ATP11C: variants seen among roughly 807,000 people sequenced by gnomAD.
The protein encoded by ATP11C is ATPase phospholipid transporting 11C (ATP11C blood group).
In ATP11C, 36 loss-of-function variants were observed where a neutral mutation model predicts 97.4. The ratio of observed to expected loss-of-function variants is 0.37; its 90% CI spans 0.28 to 0.49. The LOEUF is 0.49. ATP11C is among the 20% of genes least tolerant of loss of function. The pLI is 0.98. For synonymous variants in ATP11C, 275 were observed against 290.9 expected (o/e 0.95, Z 0.56); for missense variants, 730 against 824.6 (o/e 0.89, Z 1.40).
intron 6 of ATP11C, among the ~76,000 whole-genome samples, chrX:139,803,614 T>G (rs760427582): frequency 7.8e-4 from 86 of 109,951 alleles, no homozygotes; most frequent in Non-Finnish European, 1.4e-3. Context: ...GAGTTATAAT[T>G]TGTTATATGT....
intron 12 of ATP11C, among the ~76,000 whole-genome samples, chrX:139,793,921 GCA>G (rs1203290021): frequency 9.0e-6 from 1 of 111,007 alleles, no homozygotes; most frequent in African/African-American, 3.3e-5. Context: ...ATAATACCTA[GCA>G]CACACACACA....
At chrX:139,777,291 G>T (rs1048104210) in intron 18 of ATP11C, among the ~76,000 whole-genome samples, 2 of 110,046 alleles carry the variant, frequency 1.8e-5, no homozygotes, top group African/African-American at 6.6e-5. Flanking sequence ...CCAGAAAAAT[G>T]ATTCAGGATA....
chrX:139,757,075 A>T (rs2081952335), intron 23 of ATP11C, among the ~76,000 whole-genome samples: 1 of 110,027 alleles, frequency 9.1e-6, no homozygotes, highest in Admixed American at 9.7e-5. Flanking sequence ...TGTACTTTGT[A>T]TTCACAGAAG....
At position 139,913,639 on chromosome X, in the gene ATP11C, T is replaced by C. The variant is rs185531498; in HGVS notation, c.27+18377A>G. Among the ~76,000 whole-genome samples the C allele has an allele frequency of 5.6e-3, 621 of 111,326 alleles. 11 individuals are homozygous for C. Among genetic ancestry groups the C allele is most frequent in the African/African-American group, 0.019 (568 of 30,647 alleles). On this transcript the variant is annotated intron_variant, in intron 1 of 29. Transcript: ENST00000682941. ...CTCAAAAGCTCCCCCACTGAGCACC[T>C]TGTGTCCCCCGCCCCTACCGGCCAG...
At chrX:139,800,148 T>A (rs767117831) in intron 7 of ATP11C, 38 bp from the exon 8 acceptor site, 1 of 1,026,319 alleles carries the variant, frequency 9.7e-7, no homozygotes, top group South Asian at 2.0e-5. Flanking sequence ...GTTTTCTACA[T>A]CCAGGTGAAA....
intron 1 of ATP11C, among the ~76,000 whole-genome samples, chrX:139,829,366 T>C (rs1340290020): frequency 8.9e-6 from 1 of 112,049 alleles, no homozygotes; most frequent in Non-Finnish European, 1.9e-5. Flanking sequence ...ACATAAAAAA[T>C]AGCAATGCTG....
chrX:139,864,246 G>A (rs2084248382), intron 1 of ATP11C, among the ~76,000 whole-genome samples: 1 of 111,516 alleles, frequency 9.0e-6, no homozygotes, highest in South Asian at 3.7e-4. Flanking sequence ...TGCTTAATTT[G>A]CTCATTTAGT....
At chrX:139,769,402 A>C (rs1287332883) in intron 19 of ATP11C, among the ~76,000 whole-genome samples, 2 of 98,289 alleles carry the variant, frequency 2.0e-5, no homozygotes, top group East Asian at 6.8e-4. Context: ...GGGTGGCTTT[A>C]AAAATTGCCC....
At chrX:139,809,644 G>C (rs920794856) in intron 5 of ATP11C, among the ~76,000 whole-genome samples, 14 of 112,109 alleles carry the variant, frequency 1.2e-4, no homozygotes, top group Non-Finnish European at 2.6e-4. Context: ...TAAATAAATT[G>C]TACACTTAAA....
chrX:139,885,672 C>T (rs1422828630), intron 1 of ATP11C: 4 of 111,584 alleles, frequency 3.6e-5, no homozygotes, highest in Non-Finnish European at 5.6e-5. Context: ...AAGAATAGTT[C>T]GGCATTCATA....
chrX:139,801,727 A>G (rs2082931644), intron 7 of ATP11C, among the ~76,000 whole-genome samples: 1 of 111,688 alleles, frequency 9.0e-6, no homozygotes, highest in Admixed American at 9.5e-5. Context: ...GAGCCTAAGT[A>G]TAGTAAAATA....
intron 1 of ATP11C, among the ~76,000 whole-genome samples, chrX:139,887,809 A>G (rs866516324): frequency 3.7e-5 from 4 of 109,224 alleles, no homozygotes; most frequent in Admixed American, 9.9e-5. Context: ...CATCTCTACT[A>G]AAATACAAAA....
chrX:139,891,500 G>A (rs1205755729), intron 1 of ATP11C, among the ~76,000 whole-genome samples: 1 of 111,810 alleles, frequency 8.9e-6, no homozygotes, highest in East Asian at 2.8e-4. Context: ...CCCGCCCAAT[G>A]TATATCTCTA....
At chrX:139,772,289 T>A (rs1485469684) in intron 19 of ATP11C, among the ~76,000 whole-genome samples, 1 of 112,328 alleles carries the variant, frequency 8.9e-6, no homozygotes, top group Non-Finnish European at 1.9e-5. Flanking sequence ...AGAATATGTA[T>A]GGAAACGTGT....
At chrX:139,878,034 A>G (rs1051983518) in intron 1 of ATP11C, among the ~76,000 whole-genome samples, 1 of 111,956 alleles carries the variant, frequency 8.9e-6, no homozygotes. Flanking sequence ...TCAAAGAGGA[A>G]AAAACAAACA....
At chrX:139,731,385 T>C (rs985144325) in intron 29 of ATP11C, among the ~76,000 whole-genome samples, 1 of 112,385 alleles carries the variant, frequency 8.9e-6, no homozygotes, top group Non-Finnish European at 1.9e-5. Context: ...ACTTGCCCCT[T>C]ACAAATTAAA....
chrX:139,755,419 T>C (rs1291015680), intron 23 of ATP11C, among the ~76,000 whole-genome samples: 2 of 111,872 alleles, frequency 1.8e-5, no homozygotes, highest in Admixed American at 9.5e-5. Context: ...CCCAGGCAAT[T>C]TACAAGTTCA....
intron 18 of ATP11C, among the ~76,000 whole-genome samples, chrX:139,777,532 AC>A (rs1243584535): frequency 1.3e-4 from 15 of 111,349 alleles, no homozygotes; most frequent in Non-Finnish European, 2.6e-4. Context: ...ATGTAAAGCA[AC>A]AAAATCTGTA....
chrX:139,889,545 A>T, intron 1 of ATP11C, among the ~76,000 whole-genome samples: 1 of 112,014 alleles, frequency 8.9e-6, no homozygotes, highest in East Asian at 2.8e-4. Context: ...TACATACCTA[A>T]AAAGGGCAAA....
Sources: allele counts gnomAD v4.1 joint callset (sites outside exome capture counted in the v4.1 genomes callset), GRCh38; gene constraint gnomAD v4.1.1; transcripts MANE v1.5; gene names NCBI Gene and HGNC (gene_info 2026-07-23, HGNC 2026-07-21).